The following SRGAP3 variants were observed in gnomAD, a reference collection of about 807,000 sequenced individuals.
The protein encoded by SRGAP3 is SLIT-ROBO Rho GTPase activating protein 3.
Under a neutral mutation model 121.1 loss-of-function variants are expected in SRGAP3, and 39 were observed. That is an observed-to-expected ratio of 0.32 (90% CI 0.25 to 0.42). The LOEUF is 0.42. SRGAP3 is among the 10% of genes least tolerant of loss of function. The pLI is 1.00. For synonymous variants in SRGAP3, 601 were observed against 570.0 expected (o/e 1.05, Z -0.77); for missense variants, 1,213 against 1,470.6 (o/e 0.82, Z 2.86).
chr3:9,316,483 C>T (rs1177600242), intron 3 of SRGAP3, among the ~76,000 whole-genome samples: 1 of 151,802 alleles, frequency 6.6e-6, no homozygotes, highest in Non-Finnish European at 1.5e-5. Flanking sequence ...ATGGTGAAAC[C>T]CCGTCTCTAC....
intron 6 of SRGAP3, chr3:9,059,920 C>T: frequency 2.5e-6 from 1 of 401,890 alleles, no homozygotes; most frequent in Non-Finnish European, 4.8e-6. Flanking sequence ...CCCCCTGAAC[C>T]CCTCAAACCC....
At chr3:9,342,933 T>C (rs1398254531) in intron 1 of SRGAP3, among the ~76,000 whole-genome samples, 1 of 152,240 alleles carries the variant, frequency 6.6e-6, no homozygotes, top group African/African-American at 2.4e-5. Flanking sequence ...CTTGTCCAAC[T>C]GGTCATTCTT....
At chr3:9,010,419 C>T (rs768433120) in intron 17 of SRGAP3, 32 bp from the exon 18 acceptor site, 29 of 1,613,124 alleles carry the variant, frequency 1.8e-5, no homozygotes, top group African/African-American at 9.4e-5. Flanking sequence ...GGACTCACTG[C>T]GGGGGGTTAT....
At chr3:9,331,071 A>G (rs1347380190) in intron 1 of SRGAP3, among the ~76,000 whole-genome samples, 1 of 152,262 alleles carries the variant, frequency 6.6e-6, no homozygotes, top group Non-Finnish European at 1.5e-5. Context: ...AAATCTGGGC[A>G]GTAAGATACT....
At chr3:9,104,015 C>A (rs183438046) in intron 3 of SRGAP3, among the ~76,000 whole-genome samples, 1 of 152,140 alleles carries the variant, frequency 6.6e-6, no homozygotes, top group Non-Finnish European at 1.5e-5. Context: ...AAGCTCACGG[C>A]AGTGTTATTT....
intron 3 of SRGAP3, among the ~76,000 whole-genome samples, chr3:9,322,122 C>T (rs1431395284): frequency 6.6e-6 from 1 of 151,730 alleles, no homozygotes; most frequent in Non-Finnish European, 1.5e-5. Flanking sequence ...ACTTAGGCTA[C>T]TCATTTAGCC....
rs1941370098 is a variant in SRGAP3 at position 8,980,698 on chromosome 3, G to A, written c.*4821C>T. 1 of 232,714 alleles carries A rather than the reference G, an allele frequency of 4.3e-6. No individual in the cohort carries two copies. The highest frequency in any genetic ancestry group is 8.5e-6 in the Non-Finnish European group (1 of 117,420). 14.4% of individuals were successfully genotyped at this position (232,714 alleles called of 1,614,324 possible). ...TCCAATCAGACACTCTATAGGACGG[G>A]CGTTTGGTCGTAAGGTAGAGAAACG... On this transcript the variant is annotated 3_prime_UTR_variant, in exon 22 of 22. Coordinates refer to ENST00000383836, the MANE Select transcript of SRGAP3 (RefSeq NM_014850.4).
At chr3:9,065,328 A>G (rs1406590854) in intron 4 of SRGAP3, 3 of 152,264 alleles carry the variant, frequency 2.0e-5, no homozygotes, top group African/African-American at 7.2e-5. Context: ...AATTCTAGAC[A>G]TCATCTAATC....
intron 18 of SRGAP3, among the ~76,000 whole-genome samples, chr3:8,997,746 C>T (rs1026891532): frequency 7.9e-5 from 12 of 152,188 alleles, no homozygotes; most frequent in African/African-American, 2.7e-4. Context: ...CCGCTATGCA[C>T]ATTTTACGAT....
chr3:9,115,663 AAAG>A (rs1948779380), intron 2 of SRGAP3, among the ~76,000 whole-genome samples: 1 of 152,194 alleles, frequency 6.6e-6, no homozygotes, highest in African/African-American at 2.4e-5. Context: ...TGTGGAGGAT[AAAG>A]AAGGTAAAGA....
At chr3:9,011,702 A>G (rs958615852) in intron 17 of SRGAP3, among the ~76,000 whole-genome samples, 6 of 152,208 alleles carry the variant, frequency 3.9e-5, no homozygotes, top group African/African-American at 1.4e-4. Flanking sequence ...TTGTTTGGTT[A>G]CATCTCTGAC....
chr3:9,066,355 T>C (rs1946429363), intron 4 of SRGAP3, among the ~76,000 whole-genome samples: 1 of 152,216 alleles, frequency 6.6e-6, no homozygotes, highest in Admixed American at 6.5e-5. Context: ...GAGCCAAGGC[T>C]TCCCCCAGGA....
At chr3:9,170,748 T>C (rs1950948301) in intron 1 of SRGAP3, among the ~76,000 whole-genome samples, 1 of 152,112 alleles carries the variant, frequency 6.6e-6, no homozygotes, top group Non-Finnish European at 1.5e-5. Context: ...CCCAAGGAGG[T>C]GAGGGCACAT....
chr3:9,099,779 C>A (rs1328796895), intron 3 of SRGAP3, among the ~76,000 whole-genome samples: 1 of 152,284 alleles, frequency 6.6e-6, no homozygotes, highest in South Asian at 2.1e-4. Context: ...TGGGGCCCAG[C>A]AGTCTGCATT....
intron 1 of SRGAP3, among the ~76,000 whole-genome samples, chr3:9,356,451 A>G (rs1010259740): frequency 1.4e-5 from 2 of 138,162 alleles, no homozygotes; most frequent in African/African-American, 5.5e-5. Context: ...GGGCTCACTG[A>G]AAGTGCTGCC....
chr3:9,072,820 G>A (rs1006212965), intron 4 of SRGAP3, among the ~76,000 whole-genome samples: 2 of 152,216 alleles, frequency 1.3e-5, no homozygotes, highest in African/African-American at 2.4e-5. Flanking sequence ...CACAGCAACC[G>A]AGGTGACATA....
At chr3:9,118,221 T>G (rs1482629528) in intron 2 of SRGAP3, among the ~76,000 whole-genome samples, 1 of 152,176 alleles carries the variant, frequency 6.6e-6, no homozygotes, top group Non-Finnish European at 1.5e-5. Context: ...GCTTAATTAT[T>G]ACAAAAATCA....
chr3:9,160,735 T>C (rs2668349), intron 1 of SRGAP3, among the ~76,000 whole-genome samples: 45,642 of 152,142 alleles, frequency 0.3, 8,002 homozygotes, highest in Non-Finnish European at 0.41. Flanking sequence ...AGAATTGATA[T>C]ACGTAAAGGG....
At chr3:9,049,215 C>A in intron 9 of SRGAP3, 1 of 354,050 alleles carries the variant, frequency 2.8e-6, no homozygotes, top group Non-Finnish European at 5.6e-6. Flanking sequence ...GGGGTAGGGG[C>A]TGACACATAC....
Sources: gnomAD v4.1 joint callset for allele counts (sites outside exome capture counted in the v4.1 genomes callset) on GRCh38, gnomAD v4.1.1 for gene constraint, MANE v1.5 for transcripts, NCBI Gene and HGNC (gene_info 2026-07-23, HGNC 2026-07-21) for gene names.